Variants in ADCY3 observed in about 807,000 individuals in gnomAD.
ADCY3 encodes adenylate cyclase 3.
A neutral mutation model predicts 119.4 loss-of-function variants in ADCY3; 70 were observed. That is an observed-to-expected ratio of 0.59 (90% CI 0.48 to 0.72). The LOEUF is 0.72. Ranked by LOEUF, ADCY3 falls within the 30% of genes least tolerant of loss-of-function variation. ADCY3 has a pLI of 0.00. For missense variants in ADCY3, 1,238 were observed against 1,541.6 expected (o/e 0.80, Z 3.30); for synonymous variants, 672 against 621.4 (o/e 1.08, Z -1.21).
chr2:24,852,241 C>A (rs918362990), intron 3 of ADCY3, among the ~76,000 whole-genome samples: 34 of 152,166 alleles, frequency 2.2e-4, no homozygotes, highest in Non-Finnish European at 4.9e-4. Flanking sequence ...TGTCTCCCAG[C>A]ACCCCGGTCC....
At chr2:24,911,154 G>A (rs1462486331) in intron 2 of ADCY3, among the ~76,000 whole-genome samples, 1 of 149,768 alleles carries the variant, frequency 6.7e-6, no homozygotes, top group East Asian at 2.0e-4. Flanking sequence ...TGTGGGTTGA[G>A]AAACCAAAAC....
intron 3 of ADCY3, among the ~76,000 whole-genome samples, chr2:24,855,462 C>T (rs1335325471): frequency 2.0e-5 from 3 of 152,082 alleles, no homozygotes; most frequent in Admixed American, 1.3e-4. Context: ...AAGGCTGGAC[C>T]GGAGGAGGGG....
At chr2:24,853,662 G>C (rs981651529) in intron 3 of ADCY3, among the ~76,000 whole-genome samples, 1 of 151,816 alleles carries the variant, frequency 6.6e-6, no homozygotes, top group African/African-American at 2.4e-5. Context: ...TAGAGACGGG[G>C]TTTCACCATG....
At chr2:24,826,911 T>G (rs968716114) in intron 15 of ADCY3, among the ~76,000 whole-genome samples, 5 of 152,234 alleles carry the variant, frequency 3.3e-5, no homozygotes. Flanking sequence ...GTTACTATTG[T>G]ACTTGATATT....
Position 24,819,870 on chromosome 2 carries a change from T to A in ADCY3, c.*62A>T, listed in dbSNP as rs1667280955. ...ACTTCAATCCAGGAAGGTCGGGACT[T>A]CCTTCAGTTTCAAAAAATAAATTCT... On this transcript the variant is annotated 3_prime_UTR_variant, in exon 22 of 22. Coordinates refer to ENST00000679454, the MANE Select transcript of ADCY3 (RefSeq NM_004036.5). The A allele has an allele frequency of 6.5e-7, 1 of 1,548,210 alleles. No homozygotes were observed.
At chr2:24,840,957 C>T (rs1467750111) in intron 6 of ADCY3, among the ~76,000 whole-genome samples, 3 of 152,178 alleles carry the variant, frequency 2.0e-5, no homozygotes, top group Non-Finnish European at 2.9e-5. Context: ...TGTGAGGAGG[C>T]GTGAGAAAAT....
At position 24,826,177 on chromosome 2, in the gene ADCY3, G is replaced by A. The variant is rs138591892; in HGVS notation, c.2496-51C>T. On this transcript the variant is annotated intron_variant, in intron 15 of 21. Transcript: ENST00000679454. ...AAAGGGCTGTCATCTGCCTCCTGGA[G>A]GGGGCCTGATTCCCTCCAACTAGAT... The A allele has an allele frequency of 2.0e-4, 311 of 1,543,384 alleles. 3 individuals are homozygous for A. The East Asian group carries it at 6.8e-3, about 34-fold the overall frequency.
chr2:24,820,328 A>G, intron 21 of ADCY3: 1 of 1,328,794 alleles, frequency 7.5e-7, no homozygotes. Context: ...GCCTCCTCTC[A>G]TCCAGAGACT....
intron 2 of ADCY3, among the ~76,000 whole-genome samples, chr2:24,913,909 G>T (rs926632913): frequency 6.6e-6 from 1 of 152,150 alleles, no homozygotes; most frequent in Non-Finnish European, 1.5e-5. Context: ...CAAAATATTT[G>T]TCAGCAGTTC....
chr2:24,835,069 A>C, intron 9 of ADCY3, 133 bp from the exon 10 acceptor site: 11 of 1,194,854 alleles, frequency 9.2e-6, no homozygotes, highest in East Asian at 8.2e-5. Context: ...CAGCTCTAAA[A>C]TCCCTTTCCG....
intron 18 of ADCY3, 33 bp downstream of exon 18, chr2:24,823,176 A>T: frequency 6.3e-7 from 1 of 1,595,522 alleles, no homozygotes; most frequent in Non-Finnish European, 8.5e-7. Context: ...GGCCGGCTTC[A>T]TGGCCAGAGT....
intron 7 of ADCY3, chr2:24,838,941 A>G (rs1670657257): frequency 9.9e-7 from 1 of 1,011,626 alleles, no homozygotes; most frequent in East Asian, 5.3e-5. Context: ...GCGATAAGGA[A>G]TTTTTTTTTT....
chr2:24,875,659 G>A (rs570628281), intron 2 of ADCY3, among the ~76,000 whole-genome samples: 1 of 152,298 alleles, frequency 6.6e-6, no homozygotes, highest in South Asian at 2.1e-4. Context: ...CGTGCAGCCT[G>A]GGTGGGGAGT....
intron 2 of ADCY3, among the ~76,000 whole-genome samples, chr2:24,877,157 G>A (rs1296807417): frequency 1.3e-5 from 2 of 152,224 alleles, no homozygotes; most frequent in African/African-American, 4.8e-5. Flanking sequence ...TGTGCGGGAA[G>A]GTGGGCACTG....
intron 2 of ADCY3, among the ~76,000 whole-genome samples, chr2:24,890,572 A>G (rs1267448885): frequency 6.6e-6 from 1 of 152,188 alleles, no homozygotes; most frequent in Non-Finnish European, 1.5e-5. Context: ...AAGTCGTTCA[A>G]TGTATTGGCA....
chr2:24,906,514 G>A (rs1679457005), intron 2 of ADCY3, among the ~76,000 whole-genome samples: 1 of 152,198 alleles, frequency 6.6e-6, no homozygotes, highest in Non-Finnish European at 1.5e-5. Context: ...GCACTGAAGG[G>A]TGAGGCTGTG....
At chr2:24,821,922 T>C in intron 19 of ADCY3, 1 of 386,846 alleles carries the variant, frequency 2.6e-6, no homozygotes, top group Non-Finnish European at 4.7e-6. Context: ...GGCCTGGTCC[T>C]GGTCCTTAGG....
Position 24,866,643 on chromosome 2 carries a change from G to C in ADCY3, c.825+5927C>G, listed in dbSNP as rs1439839093. 2.0e-5 allele frequency among the ~76,000 whole-genome samples: 3 copies of C among 151,286 alleles called. No individual in the cohort carries two copies. The East Asian group carries it at 5.8e-4, about 29-fold the overall frequency. On this transcript the variant is annotated intron_variant, in intron 3 of 21. Coordinates refer to ENST00000679454, the MANE Select transcript of ADCY3 (RefSeq NM_004036.5). ...ACAACAAAAAAATGCATACCCATTG[G>C]TATTATTATGGTTGTCAGTCAGGAA... is the stretch of plus-strand genomic sequence containing the variant.
At chr2:24,833,691 T>C (rs1669910805) in intron 11 of ADCY3, among the ~76,000 whole-genome samples, 1 of 151,822 alleles carries the variant, frequency 6.6e-6, no homozygotes, top group Admixed American at 6.6e-5. Context: ...TCCCCACGCA[T>C]GAAGCAGACA....
Sources: allele counts gnomAD v4.1 joint callset (sites outside exome capture counted in the v4.1 genomes callset), GRCh38; gene constraint gnomAD v4.1.1; transcripts MANE v1.5; gene names NCBI Gene and HGNC (gene_info 2026-07-23, HGNC 2026-07-21).